KCNAB1: variants seen among roughly 807,000 people sequenced by gnomAD.
KCNAB1 encodes the protein voltage-gated potassium channel subunit beta-1.
Under a neutral mutation model 64.6 loss-of-function variants are expected in KCNAB1, and 35 were observed. The ratio of observed to expected loss-of-function variants is 0.54; its 90% confidence interval spans 0.41 to 0.72. The LOEUF (loss-of-function observed/expected upper bound fraction) is 0.72, where lower values mean the gene tolerates loss of function less well. Ranked by LOEUF, KCNAB1 falls within the 30% of genes least tolerant of loss-of-function variation. The probability of loss-of-function intolerance (pLI) is 0.00; values close to 1 mark genes in which losing one functional copy is unlikely to be tolerated. For synonymous variants in KCNAB1, 177 were observed against 183.8 expected (o/e 0.96, Z 0.30); for missense variants, 401 against 512.9 (o/e 0.78, Z 2.11).
At chr3:156,477,182 A>T (rs1444007483) in intron 8 of KCNAB1, among the ~76,000 whole-genome samples, 1 of 152,202 alleles carries the variant, frequency 6.6e-6, no homozygotes, top group Non-Finnish European at 1.5e-5. Context: ...AAAAATCTTC[A>T]AAGTGTTTTA....
intron 1 of KCNAB1, among the ~76,000 whole-genome samples, chr3:156,148,567 TG>T (rs1302730174): frequency 6.6e-6 from 1 of 152,226 alleles, no homozygotes; most frequent in African/African-American, 2.4e-5. Context: ...ATCTGTAAAA[TG>T]GGCCTAATTT....
chr3:156,297,576 T>A (rs1720883505), intron 1 of KCNAB1, among the ~76,000 whole-genome samples: 1 of 152,188 alleles, frequency 6.6e-6, no homozygotes, highest in Non-Finnish European at 1.5e-5. Context: ...CAGGACTATA[T>A]GCAAAAGACT....
At chr3:156,182,467 C>CATTT (rs1169928526) in intron 1 of KCNAB1, among the ~76,000 whole-genome samples, 2 of 152,122 alleles carry the variant, frequency 1.3e-5, no homozygotes, top group Non-Finnish European at 2.9e-5. Flanking sequence ...GTCCCTCAGC[C>CATTT]ATTTCTACCA....
intron 1 of KCNAB1, among the ~76,000 whole-genome samples, chr3:156,400,325 C>T (rs374255080): frequency 6.8e-4 from 104 of 152,284 alleles, no homozygotes; most frequent in Middle Eastern, 6.8e-3. Context: ...GCCTCAGGTT[C>T]CTTAGAGAGA....
intron 1 of KCNAB1, among the ~76,000 whole-genome samples, chr3:156,417,979 T>A (rs73873359): frequency 2.0e-5 from 3 of 152,252 alleles, no homozygotes; most frequent in African/African-American, 7.2e-5. Flanking sequence ...TGCCTCCACA[T>A]TGATGTCATT....
At chr3:156,384,569 G>A (rs537986943) in intron 1 of KCNAB1, among the ~76,000 whole-genome samples, 3 of 152,322 alleles carry the variant, frequency 2.0e-5, no homozygotes, top group Admixed American at 1.3e-4. Context: ...AGGAAGAAAT[G>A]AGAACATGAG....
At chr3:156,389,378 C>T (rs1337729239) in intron 1 of KCNAB1, among the ~76,000 whole-genome samples, 1 of 152,202 alleles carries the variant, frequency 6.6e-6, no homozygotes, top group African/African-American at 2.4e-5. Flanking sequence ...CCTACTCTCA[C>T]CCCAGCAAGA....
intron 1 of KCNAB1, among the ~76,000 whole-genome samples, chr3:156,171,187 G>GCGCACACACA (rs1553812697): frequency 7.2e-4 from 103 of 142,816 alleles, no homozygotes; most frequent in Non-Finnish European, 9.0e-4. Flanking sequence ...GAAACTTCAC[G>GCGCACACACA]CACACATACA....
chr3:156,518,630 A>C (rs547479955), intron 11 of KCNAB1, among the ~76,000 whole-genome samples: 184 of 152,316 alleles, frequency 1.2e-3, no homozygotes, highest in African/African-American at 4.3e-3. Flanking sequence ...TAAGATTAAG[A>C]TGTTAATATT....
At chr3:156,150,168 A>C (rs1715317671) in intron 1 of KCNAB1, among the ~76,000 whole-genome samples, 1 of 152,210 alleles carries the variant, frequency 6.6e-6, no homozygotes, top group Non-Finnish European at 1.5e-5. Context: ...GATTACTTGA[A>C]ACCTGAATAG....
At chr3:156,316,662 G>C (rs983832099) in intron 1 of KCNAB1, among the ~76,000 whole-genome samples, 2 of 152,258 alleles carry the variant, frequency 1.3e-5, no homozygotes, top group Non-Finnish European at 2.9e-5. Context: ...GAAGAGGGGA[G>C]CAGCTGCCAG....
At chr3:156,398,549 C>T (rs1282000097) in intron 1 of KCNAB1, among the ~76,000 whole-genome samples, 2 of 148,318 alleles carry the variant, frequency 1.3e-5, no homozygotes, top group East Asian at 2.0e-4. Context: ...GCCGAGATCA[C>T]GCCACTGCAC....
At chr3:156,131,045 C>T (rs889039792) in intron 1 of KCNAB1, among the ~76,000 whole-genome samples, 2 of 152,222 alleles carry the variant, frequency 1.3e-5, no homozygotes, top group Non-Finnish European at 2.9e-5. Context: ...TTAAGTCAGG[C>T]TTTGGCCATC....
At chr3:156,450,626 G>A (rs571549360) in intron 2 of KCNAB1, among the ~76,000 whole-genome samples, 2 of 152,280 alleles carry the variant, frequency 1.3e-5, no homozygotes, top group South Asian at 2.1e-4. Flanking sequence ...TGTGTTGTCT[G>A]TAAAAAGGTT....
intron 2 of KCNAB1, among the ~76,000 whole-genome samples, chr3:156,432,878 C>G (rs1716326568): frequency 6.6e-6 from 1 of 152,164 alleles, no homozygotes; most frequent in Non-Finnish European, 1.5e-5. Flanking sequence ...CCTAACCCCA[C>G]CATTCTCAGG....
intron 1 of KCNAB1, among the ~76,000 whole-genome samples, chr3:156,183,220 A>G (rs969268561): frequency 6.6e-5 from 10 of 152,114 alleles, no homozygotes; most frequent in Admixed American, 2.0e-4. Flanking sequence ...GGAGGGAGAC[A>G]AGGAAACATG....
intron 1 of KCNAB1, among the ~76,000 whole-genome samples, chr3:156,213,075 G>A (rs962783878): frequency 6.6e-6 from 1 of 152,140 alleles, no homozygotes; most frequent in Non-Finnish European, 1.5e-5. Flanking sequence ...AGCTCGCTTA[G>A]TAACTAACAC....
chr3:156,354,110 A>ATGTG (rs1381874881), intron 1 of KCNAB1, among the ~76,000 whole-genome samples: 2 of 116,622 alleles, frequency 1.7e-5, no homozygotes, highest in South Asian at 2.9e-4. Flanking sequence ...ATGTATATAT[A>ATGTG]TGTGTGTGTG....
At chr3:156,487,776 G>A (rs1051860075) in intron 8 of KCNAB1, among the ~76,000 whole-genome samples, 7 of 151,776 alleles carry the variant, frequency 4.6e-5, no homozygotes, top group African/African-American at 1.7e-4. Context: ...AAGCAAGTTT[G>A]GTAATTAAAC....
Sources: allele counts gnomAD v4.1 joint callset (sites outside exome capture counted in the v4.1 genomes callset), GRCh38; gene constraint gnomAD v4.1.1; transcripts MANE v1.5; gene names NCBI Gene and HGNC (gene_info 2026-07-23, HGNC 2026-07-21).